PHYHIPL: variants seen among roughly 807,000 people sequenced by gnomAD.
PHYHIPL encodes the protein phytanoyl-CoA hydroxylase-interacting protein-like.
A neutral mutation model predicts 33.4 loss-of-function variants in PHYHIPL; 9 were observed. The observed-to-expected ratio is 0.27, with a 90% CI of 0.16 to 0.47. PHYHIPL has a LOEUF of 0.47. PHYHIPL is among the 20% of genes least tolerant of loss of function. The probability of loss-of-function intolerance (pLI) is 0.99; values close to 1 mark genes in which losing one functional copy is unlikely to be tolerated. For synonymous variants in PHYHIPL, 153 were observed against 154.1 expected (o/e 0.99, Z 0.05); for missense variants, 365 against 460.7 (o/e 0.79, Z 1.90).
chr10:59,179,788 A>G (rs1018026845), intron 1 of PHYHIPL, among the ~76,000 whole-genome samples: 76 of 151,536 alleles, frequency 5.0e-4, no homozygotes, highest in African/African-American at 1.4e-3. Flanking sequence ...TCTGAAGAAT[A>G]TGGGTTAGAG....
intron 1 of PHYHIPL, among the ~76,000 whole-genome samples, chr10:59,217,167 A>G (rs1839640803): frequency 6.6e-6 from 1 of 152,112 alleles, no homozygotes; most frequent in Non-Finnish European, 1.5e-5. Context: ...ATTTTGCAGT[A>G]GAGACACTTT....
chr10:59,177,423 C>G, intron 1 of PHYHIPL: 1 of 1,473,112 alleles, frequency 6.8e-7, no homozygotes, highest in Non-Finnish European at 9.0e-7. Flanking sequence ...AACCTCCCAT[C>G]CTCAGACTCC....
upstream of PHYHIPL, chr10:59,176,635 G>T (rs1838257708): frequency 4.7e-6 from 2 of 428,542 alleles, no homozygotes; most frequent in Non-Finnish European, 8.3e-6. Context: ...GGTCCTGCTC[G>T]GTCTCTCAGA....
chr10:59,213,329 T>A (rs1274112770), intron 1 of PHYHIPL, among the ~76,000 whole-genome samples: 1 of 152,170 alleles, frequency 6.6e-6, no homozygotes, highest in Non-Finnish European at 1.5e-5. Flanking sequence ...TTTTGCCCCA[T>A]CTTATACTCT....
intron 1 of PHYHIPL, among the ~76,000 whole-genome samples, chr10:59,204,658 C>G (rs1407983045): frequency 2.6e-5 from 4 of 152,044 alleles, no homozygotes; most frequent in African/African-American, 9.7e-5. Flanking sequence ...TTAACATTGG[C>G]TGTAATCTGA....
intron 1 of PHYHIPL, among the ~76,000 whole-genome samples, chr10:59,228,522 T>C (rs1401361264): frequency 6.6e-6 from 1 of 152,172 alleles, no homozygotes; most frequent in Non-Finnish European, 1.5e-5. Context: ...AAAGTTGTTT[T>C]TAATGAAGAG....
At chr10:59,199,430 G>A (rs1245060207) in intron 1 of PHYHIPL, among the ~76,000 whole-genome samples, 1 of 152,092 alleles carries the variant, frequency 6.6e-6, no homozygotes, top group Non-Finnish European at 1.5e-5. Flanking sequence ...CTGTTTTGGT[G>A]CCAGTACCTT....
intron 1 of PHYHIPL, among the ~76,000 whole-genome samples, chr10:59,200,832 A>C (rs549671180): frequency 6.6e-6 from 1 of 152,052 alleles, no homozygotes; most frequent in Non-Finnish European, 1.5e-5. Flanking sequence ...TAGATTTTCG[A>C]GTTTATTTGC....
chr10:59,208,911 G>A (rs1200257224), intron 1 of PHYHIPL, among the ~76,000 whole-genome samples: 1 of 152,104 alleles, frequency 6.6e-6, no homozygotes, highest in Admixed American at 6.5e-5. Context: ...AACCCTCCAA[G>A]AAATATGGGA....
intron 1 of PHYHIPL, among the ~76,000 whole-genome samples, chr10:59,185,536 C>T (rs1838568613): frequency 6.6e-6 from 1 of 152,174 alleles, no homozygotes; most frequent in Non-Finnish European, 1.5e-5. Flanking sequence ...TGAGGAATCG[C>T]CACACTGACT....
intron 1 of PHYHIPL, among the ~76,000 whole-genome samples, chr10:59,201,451 A>T (rs556840305): frequency 6.6e-6 from 1 of 152,148 alleles, no homozygotes; most frequent in Non-Finnish European, 1.5e-5. Flanking sequence ...GTTATTTTAC[A>T]TTTGCTGAAG....
Position 59,176,802 on chromosome 10 carries a change from G to C in PHYHIPL, c.-52G>C. ...TCCCGCTCTTCTTGCCCACCCGGCC[G>C]GCAGAGAGAGCCTGGATACGAAGCA... On this transcript the variant is annotated 5_prime_UTR_variant, in exon 1 of 5. Coordinates refer to ENST00000373880, the MANE Select transcript of PHYHIPL (RefSeq NM_032439.4). 4 of 1,521,192 alleles carry C rather than the reference G, an allele frequency of 2.6e-6. No homozygotes were observed. The allele number at this position is 1,521,192 out of a possible 1,614,324, so 94.2% of individuals were successfully genotyped here. A position where few individuals can be genotyped will look rare whatever the true frequency, so the allele number is the denominator to read the frequency against.
Position 59,176,870 on chromosome 10 carries a change from T to A in PHYHIPL, c.17T>A (p.Leu6Gln), listed in dbSNP as rs773396482. The change falls in exon 1 of 5, where the codon CTG becomes CAG. Residue 6 changes from leucine (L) to glutamine (Q), a missense_variant. Coordinates refer to ENST00000373880, the MANE Select transcript of PHYHIPL (RefSeq NM_032439.4). MEVPR[L>Q]DHALNSPTSP... ...GTTGGAAAAATGGAGGTGCCGCGCC[T>A]GGATCATGCCCTCAACAGCCCCACC... 1.9e-6 allele frequency: 3 copies of A among 1,612,876 alleles called. No homozygotes were observed. The highest frequency in any genetic ancestry group is 2.2e-5 in the East Asian group (1 of 44,734).
At chr10:59,207,890 C>CA (rs1196589789) in intron 1 of PHYHIPL, among the ~76,000 whole-genome samples, 3,531 of 91,176 alleles carry the variant, frequency 0.039, 52 homozygotes, top group African/African-American at 0.063. Context: ...GACTCTGTCT[C>CA]AAAAAAAAAA....
intron 4 of PHYHIPL, among the ~76,000 whole-genome samples, chr10:59,244,575 A>AAAAAAAAAAAAAAAAAAAAAAC (rs1840571250): frequency 1.4e-5 from 2 of 147,286 alleles, no homozygotes; most frequent in Non-Finnish European, 3.0e-5. Context: ...AAAAAAAAAA[A>AAAAAAAAAAAAAAAAAAAAAAC]AAAAAAAAAA....
At chr10:59,179,706 C>T (rs1020080008) in intron 1 of PHYHIPL, among the ~76,000 whole-genome samples, 3 of 151,838 alleles carry the variant, frequency 2.0e-5, no homozygotes, top group Non-Finnish European at 4.4e-5. Context: ...TGCCTATTTT[C>T]CTATGAATTG....
intron 1 of PHYHIPL, among the ~76,000 whole-genome samples, chr10:59,223,814 CA>C (rs1839844182): frequency 6.6e-6 from 1 of 151,872 alleles, no homozygotes; most frequent in South Asian, 2.1e-4. Flanking sequence ...TGCATGCCAC[CA>C]CACCCAGCTA....
intron 1 of PHYHIPL, among the ~76,000 whole-genome samples, chr10:59,193,850 T>C (rs1838841453): frequency 6.6e-6 from 1 of 152,096 alleles, no homozygotes; most frequent in African/African-American, 2.4e-5. Flanking sequence ...TTTTTGGTGA[T>C]TAAAAAAGGA....
intron 1 of PHYHIPL, among the ~76,000 whole-genome samples, chr10:59,179,524 T>C (rs1838342468): frequency 6.6e-6 from 1 of 152,170 alleles, no homozygotes; most frequent in Non-Finnish European, 1.5e-5. Context: ...TCCCTGGAAG[T>C]GGAATAAAAT....
Sources: allele counts gnomAD v4.1 joint callset (sites outside exome capture counted in the v4.1 genomes callset), GRCh38; gene constraint gnomAD v4.1.1; transcripts MANE v1.5; gene names NCBI Gene and HGNC (gene_info 2026-07-23, HGNC 2026-07-21).